The following DLC1 variants were observed in gnomAD, a reference collection of about 807,000 sequenced individuals.
The protein encoded by DLC1 is rho GTPase-activating protein 7.
Under a neutral mutation model 140.3 loss-of-function variants are expected in DLC1, and 54 were observed. The ratio of observed to expected loss-of-function variants is 0.38; its 90% confidence interval spans 0.31 to 0.48. The LOEUF is 0.48. Ranked by LOEUF, DLC1 falls within the 20% of genes least tolerant of loss-of-function variation. DLC1 has a pLI of 0.96. For synonymous variants in DLC1, 986 were observed against 728.1 expected (o/e 1.35, Z -5.70); for missense variants, 2,536 against 1,907.0 (o/e 1.33, Z -6.14).
At chr8:13,111,536 GA>G (rs925795749) in intron 6 of DLC1, among the ~76,000 whole-genome samples, 2 of 152,160 alleles carry the variant, frequency 1.3e-5, no homozygotes, top group African/African-American at 4.8e-5. Flanking sequence ...CAGAGAGGGG[GA>G]AAACAGTCGA....
intron 4 of DLC1, among the ~76,000 whole-genome samples, chr8:13,375,673 G>C (rs1586232367): frequency 6.6e-6 from 1 of 152,020 alleles, no homozygotes; most frequent in South Asian, 2.1e-4. Flanking sequence ...ATTATTTTGA[G>C]ATACGTATCT....
In DLC1 at chr8:13,100,112, C is replaced by G; in HGVS notation, c.2225G>C (p.Ser742Thr). 1 of 1,614,012 alleles carries G rather than the reference C, an allele frequency of 6.2e-7. No homozygotes were observed. The highest frequency in any genetic ancestry group is 1.1e-5 in the South Asian group (1 of 91,084). ...GCTGGTCTCCGACTGGCTGCTGCTG[C>G]TGCTGGTCTGCGTGGAGTTGGAAAC... ...RSVSNSTQTS[S>T]SSSQSETSSA... The change falls in exon 9 of 18, where the codon AGC becomes ACC. Residue 742 changes from serine (S) to threonine (T), a missense_variant. Coordinates refer to ENST00000276297, the MANE Select transcript of DLC1 (RefSeq NM_182643.3).
chr8:13,371,791 G>A (rs1046181971), intron 4 of DLC1, among the ~76,000 whole-genome samples: 1 of 152,106 alleles, frequency 6.6e-6, no homozygotes, highest in African/African-American at 2.4e-5. Context: ...TTAACTGTGA[G>A]CTCCTTGAGG....
chr8:13,471,317 A>T (rs935868138), intron 2 of DLC1, among the ~76,000 whole-genome samples: 1 of 152,172 alleles, frequency 6.6e-6, no homozygotes, highest in African/African-American at 2.4e-5. Flanking sequence ...ACCAAAAAAA[A>T]AAAAGAGAAA....
chr8:13,251,070 T>C (rs528925293), intron 5 of DLC1, among the ~76,000 whole-genome samples: 1 of 152,320 alleles, frequency 6.6e-6, no homozygotes, highest in South Asian at 2.1e-4. Context: ...GTGAGGCCTC[T>C]CTCCCTGGCT....
chr8:13,370,606 C>G (rs1042039733), intron 4 of DLC1, among the ~76,000 whole-genome samples: 5 of 152,194 alleles, frequency 3.3e-5, no homozygotes, highest in African/African-American at 1.2e-4. Flanking sequence ...ACGTGCATAA[C>G]TGAAAAGTCC....
intron 2 of DLC1, among the ~76,000 whole-genome samples, chr8:13,448,253 C>G (rs1324305778): frequency 6.6e-6 from 1 of 152,130 alleles, no homozygotes; most frequent in East Asian, 1.9e-4. Flanking sequence ...GGGAATGAAT[C>G]ATGAAACCCT....
chr8:13,529,233 A>G (rs1022937854), intron 1 of DLC1, among the ~76,000 whole-genome samples: 3 of 152,224 alleles, frequency 2.0e-5, no homozygotes, highest in African/African-American at 4.8e-5. Context: ...TAAATACAGC[A>G]GATGTTTTTG....
intron 5 of DLC1, among the ~76,000 whole-genome samples, chr8:13,280,356 C>A (rs1444769897): frequency 2.1e-5 from 3 of 145,542 alleles, no homozygotes; most frequent in Non-Finnish European, 4.5e-5. Flanking sequence ...TTTGCAGTTT[C>A]TTATTTCTGT....
chr8:13,445,261 G>T (rs1328888193), intron 2 of DLC1, among the ~76,000 whole-genome samples: 1 of 152,196 alleles, frequency 6.6e-6, no homozygotes, highest in Non-Finnish European at 1.5e-5. Context: ...ACAGATGGCT[G>T]TTATTCATCA....
intron 2 of DLC1, among the ~76,000 whole-genome samples, chr8:13,410,813 G>A (rs562590589): frequency 2.6e-5 from 4 of 152,166 alleles, no homozygotes; most frequent in Non-Finnish European, 5.9e-5. Context: ...GGGTAATCAC[G>A]GTTTGTTTTG....
At chr8:13,597,667 G>A (rs1805727794) in intron 1 of DLC1, among the ~76,000 whole-genome samples, 1 of 151,952 alleles carries the variant, frequency 6.6e-6, no homozygotes, top group Non-Finnish European at 1.5e-5. Flanking sequence ...CACATGGGAG[G>A]CACTGACCAT....
intron 5 of DLC1, among the ~76,000 whole-genome samples, chr8:13,273,353 A>G (rs960002557): frequency 5.3e-5 from 8 of 152,202 alleles, no homozygotes; most frequent in African/African-American, 1.9e-4. Flanking sequence ...AAAACTCAAT[A>G]CCATCCTCTG....
intron 4 of DLC1, among the ~76,000 whole-genome samples, chr8:13,312,385 A>T (rs889955179): frequency 7.0e-6 from 1 of 142,588 alleles, no homozygotes; most frequent in Admixed American, 7.1e-5. Context: ...AAAAAAAAAA[A>T]AAATAATTTC....
At chr8:13,456,197 C>G (rs547166977) in intron 2 of DLC1, among the ~76,000 whole-genome samples, 4 of 152,250 alleles carry the variant, frequency 2.6e-5, no homozygotes, top group African/African-American at 9.6e-5. Flanking sequence ...AACATTTTGG[C>G]CTTTGCATCT....
At chr8:13,145,567 C>G (rs1364605363) in intron 5 of DLC1, among the ~76,000 whole-genome samples, 1 of 152,064 alleles carries the variant, frequency 6.6e-6, no homozygotes, top group Non-Finnish European at 1.5e-5. Context: ...AAACTCCAAA[C>G]AACTAAAAAT....
intron 5 of DLC1, among the ~76,000 whole-genome samples, chr8:13,233,730 G>A (rs549442713): frequency 6.6e-5 from 10 of 152,242 alleles, no homozygotes; most frequent in Admixed American, 1.3e-4. Flanking sequence ...CTTGCCACCT[G>A]GATATTTTGT....
At chr8:13,551,286 A>C (rs999715662) in intron 1 of DLC1, among the ~76,000 whole-genome samples, 3 of 152,098 alleles carry the variant, frequency 2.0e-5, no homozygotes, top group Admixed American at 1.3e-4. Context: ...TCTAAATCAC[A>C]GTCTTCAGTA....
At chr8:13,446,395 T>G (rs995566574) in intron 2 of DLC1, among the ~76,000 whole-genome samples, 5 of 152,224 alleles carry the variant, frequency 3.3e-5, no homozygotes, top group Non-Finnish European at 7.3e-5. Flanking sequence ...ATTTCTTGTT[T>G]TCATCTTTTG....
Sources: gnomAD v4.1 joint callset for allele counts (sites outside exome capture counted in the v4.1 genomes callset) on GRCh38, gnomAD v4.1.1 for gene constraint, MANE v1.5 for transcripts, NCBI Gene and HGNC (gene_info 2026-07-23, HGNC 2026-07-21) for gene names.